The following EPC1 variants were observed in gnomAD, a reference collection of about 807,000 sequenced individuals.
EPC1 encodes enhancer of polycomb 1.
EPC1 carries 12 observed loss-of-function variants against 98.4 expected under a neutral mutation model. The observed-to-expected ratio is 0.12, with a 90% CI of 0.08 to 0.20. The LOEUF is 0.20. Among genes scored for constraint, EPC1 ranks in the 10% least tolerant of loss-of-function variants. The pLI, the probability that EPC1 is intolerant of heterozygous loss-of-function variation, is 1.00. For synonymous variants in EPC1, 357 were observed against 363.9 expected (o/e 0.98, Z 0.21); for missense variants, 729 against 990.5 (o/e 0.74, Z 3.54).
At chr10:32,345,572 A>C (rs1838715132) in intron 1 of EPC1, 2 of 985,280 alleles carry the variant, frequency 2.0e-6, no homozygotes, top group Non-Finnish European at 2.4e-6. Context: ...CCTGAAAACC[A>C]AGGTATGCAA....
At chr10:32,314,067 TC>T (rs1445579305) in intron 1 of EPC1, among the ~76,000 whole-genome samples, 2 of 152,146 alleles carry the variant, frequency 1.3e-5, no homozygotes, top group Admixed American at 6.5e-5. Flanking sequence ...CAAGATCAAT[TC>T]CAATTTTTCA....
intron 1 of EPC1, among the ~76,000 whole-genome samples, chr10:32,311,902 G>A (rs949788777): frequency 2.0e-5 from 3 of 152,220 alleles, no homozygotes; most frequent in Non-Finnish European, 2.9e-5. Context: ...GGTAGGCACT[G>A]TGATGTAGTG....
intron 2 of EPC1, among the ~76,000 whole-genome samples, chr10:32,294,496 G>A (rs1281048652): frequency 6.6e-6 from 1 of 152,150 alleles, no homozygotes; most frequent in Non-Finnish European, 1.5e-5. Context: ...TTTTCCACAC[G>A]TGGAATCACA....
At chr10:32,299,833 C>T (rs1230076975) in intron 2 of EPC1, among the ~76,000 whole-genome samples, 3 of 152,134 alleles carry the variant, frequency 2.0e-5, no homozygotes, top group African/African-American at 7.2e-5. Context: ...CAAATCTCCT[C>T]ATCAAAATTT....
At chr10:32,362,749 G>A (rs980512107) in intron 1 of EPC1, among the ~76,000 whole-genome samples, 2 of 152,126 alleles carry the variant, frequency 1.3e-5, no homozygotes, top group African/African-American at 4.8e-5. Flanking sequence ...TCAACTGCCT[G>A]GTAGATAAGG....
intron 1 of EPC1, among the ~76,000 whole-genome samples, chr10:32,352,272 C>T (rs537459952): frequency 1.8e-4 from 28 of 151,660 alleles, no homozygotes; most frequent in African/African-American, 4.1e-4. Flanking sequence ...TGGTCTCGAT[C>T]TCCTGACCTC....
chr10:32,333,868 G>A (rs181021090), intron 1 of EPC1, among the ~76,000 whole-genome samples: 3 of 152,244 alleles, frequency 2.0e-5, no homozygotes, highest in African/African-American at 7.2e-5. Flanking sequence ...GACCCCAAAA[G>A]GATTCACAAA....
intron 1 of EPC1, among the ~76,000 whole-genome samples, chr10:32,377,879 G>T (rs150011864): frequency 6.6e-6 from 1 of 152,144 alleles, no homozygotes; most frequent in African/African-American, 2.4e-5. Context: ...AGAAAAACAA[G>T]ATAGACCTGC....
At chr10:32,347,308 G>T, upstream of EPC1, 1 of 608,964 alleles carries the variant, frequency 1.6e-6, no homozygotes, top group Non-Finnish European at 2.1e-6. Context: ...CTCGCTTCCC[G>T]CGCCTCGCTG....
chr10:32,300,920 T>A (rs1158599360), intron 2 of EPC1, among the ~76,000 whole-genome samples: 1 of 152,122 alleles, frequency 6.6e-6, no homozygotes, highest in East Asian at 1.9e-4. Context: ...AGCCCTGTAA[T>A]CAGCCATTTC....
At chr10:32,351,956 A>C (rs1358915522), upstream of EPC1, among the ~76,000 whole-genome samples, 3 of 150,470 alleles carry the variant, frequency 2.0e-5, no homozygotes, top group Non-Finnish European at 3.0e-5. Context: ...GGCTGGTCTC[A>C]AACTCCTGAT....
At chr10:32,372,884 T>C (rs1839790513) in intron 1 of EPC1, among the ~76,000 whole-genome samples, 1 of 151,876 alleles carries the variant, frequency 6.6e-6, no homozygotes, top group Non-Finnish European at 1.5e-5. Flanking sequence ...ATTAGCTGGG[T>C]GTGGTGGCGG....
intron 2 of EPC1, among the ~76,000 whole-genome samples, chr10:32,299,863 A>G (rs972612311): frequency 6.6e-6 from 1 of 152,148 alleles, no homozygotes; most frequent in Non-Finnish European, 1.5e-5. Context: ...TTGAGCACAC[A>G]CTGATGATTC....
At chr10:32,277,206 C>A (rs1410230) in intron 10 of EPC1, among the ~76,000 whole-genome samples, 16,855 of 152,106 alleles carry the variant, frequency 0.11, 979 homozygotes, top group Admixed American at 0.13. Flanking sequence ...GAGCACCTGA[C>A]AAACAAGGGT....
chr10:32,314,659 A>G (rs777708256), intron 1 of EPC1, among the ~76,000 whole-genome samples: 12 of 152,196 alleles, frequency 7.9e-5, no homozygotes, highest in Non-Finnish European at 1.8e-4. Flanking sequence ...TGTTAAATGC[A>G]TGGTTAGCTA....
At chr10:32,276,258 C>T (rs1041727893) in intron 10 of EPC1, among the ~76,000 whole-genome samples, 6 of 152,204 alleles carry the variant, frequency 3.9e-5, no homozygotes, top group African/African-American at 1.4e-4. Context: ...CGCCTGTAAT[C>T]CCAGCACTTT....
chr10:32,302,594 GA>G (rs1403700183), intron 2 of EPC1, among the ~76,000 whole-genome samples: 1 of 143,264 alleles, frequency 7.0e-6, no homozygotes, highest in African/African-American at 2.6e-5. Flanking sequence ...AGGTTGCTGT[GA>G]GCCGAGACTG....
chr10:32,333,560 T>A (rs866234948), intron 1 of EPC1, among the ~76,000 whole-genome samples: 1 of 152,166 alleles, frequency 6.6e-6, no homozygotes, highest in African/African-American at 2.4e-5. Context: ...AATGCTAACA[T>A]TGAGAAATGC....
chr10:32,371,028 G>C (rs181672904), intron 1 of EPC1, among the ~76,000 whole-genome samples: 3 of 152,118 alleles, frequency 2.0e-5, no homozygotes, highest in African/African-American at 7.2e-5. Context: ...AGCTTATAAT[G>C]GCTTCTGAGG....
Sources: gnomAD v4.1 joint callset for allele counts (sites outside exome capture counted in the v4.1 genomes callset) on GRCh38, gnomAD v4.1.1 for gene constraint, MANE v1.5 for transcripts, NCBI Gene and HGNC (gene_info 2026-07-23, HGNC 2026-07-21) for gene names.